Variants in PPARGC1A observed in about 807,000 individuals in gnomAD.
PPARGC1A encodes the protein peroxisome proliferator-activated receptor gamma coactivator 1-alpha.
In PPARGC1A, 25 loss-of-function variants were observed where a neutral mutation model predicts 88.7. The observed-to-expected ratio is 0.28, with a 90% CI of 0.21 to 0.39. The LOEUF (loss-of-function observed/expected upper bound fraction) is 0.39. Ranked by LOEUF, PPARGC1A falls within the 10% of genes least tolerant of loss-of-function variation. The pLI, the probability that PPARGC1A is intolerant of heterozygous loss-of-function variation, is 1.00. For missense variants in PPARGC1A, 880 were observed against 968.7 expected, an observed-to-expected ratio of 0.91 and a Z score of 1.22; for synonymous variants, 363 against 355.6, an observed-to-expected ratio of 1.02 and a Z score of -0.24.
At chr4:24,183,473 G>A in the PPARGC1A span, among the ~76,000 whole-genome samples, 1 of 152,164 alleles carries the variant, frequency 6.6e-6, no homozygotes, top group Non-Finnish European at 1.5e-5. Flanking sequence ...GTTCAAAGAT[G>A]GGCCAGAAGG....
At chr4:23,815,125 G>GA (rs5856793) in intron 7 of PPARGC1A, among the ~76,000 whole-genome samples, 1,225 of 121,294 alleles carry the variant, frequency 0.01, 14 homozygotes, top group African/African-American at 0.029. Context: ...CAACTTAGAA[G>GA]AAAAAAAAAA....
chr4:23,921,154 C>A, the PPARGC1A span, among the ~76,000 whole-genome samples: 1 of 152,142 alleles, frequency 6.6e-6, no homozygotes, highest in African/African-American at 2.4e-5. Context: ...CCCCGTTCTT[C>A]TGAGGAATGG....
At chr4:24,085,965 A>G in the PPARGC1A span, among the ~76,000 whole-genome samples, 1 of 152,128 alleles carries the variant, frequency 6.6e-6, no homozygotes, top group Non-Finnish European at 1.5e-5. Flanking sequence ...ATGATTCTGT[A>G]TCAGAAAAAT....
At chr4:24,271,075 G>A in the PPARGC1A span, among the ~76,000 whole-genome samples, 5 of 152,216 alleles carry the variant, frequency 3.3e-5, no homozygotes, top group East Asian at 9.6e-4. Context: ...TGGTAATTAT[G>A]GTAGTAAACA....
chr4:23,934,428 TC>T, the PPARGC1A span, among the ~76,000 whole-genome samples: 25 of 152,236 alleles, frequency 1.6e-4, 1 homozygote, highest in Admixed American at 1.6e-3. Context: ...TCCAACCTTT[TC>T]CCGCAACCAC....
the PPARGC1A span, among the ~76,000 whole-genome samples, chr4:24,173,340 A>C: frequency 0.12 from 166 of 1,422 alleles, no homozygotes; most frequent in Non-Finnish European, 0.42. Flanking sequence ...TTCCCCACCA[A>C]AAAAAAAAAA....
At chr4:24,039,934 T>G in the PPARGC1A span, among the ~76,000 whole-genome samples, 2 of 152,146 alleles carry the variant, frequency 1.3e-5, no homozygotes, top group African/African-American at 2.4e-5. Flanking sequence ...AGCTTTCATT[T>G]AAATGCTATT....
the PPARGC1A span, among the ~76,000 whole-genome samples, chr4:24,148,693 G>A: frequency 6.6e-6 from 1 of 152,196 alleles, no homozygotes; most frequent in Non-Finnish European, 1.5e-5. Context: ...CAGAACTGGT[G>A]CCTACGTGTC....
the PPARGC1A span, among the ~76,000 whole-genome samples, chr4:24,136,050 T>C: frequency 6.6e-6 from 1 of 152,170 alleles, no homozygotes; most frequent in Non-Finnish European, 1.5e-5. Flanking sequence ...CACGGTTCCC[T>C]TGGGGAGGTC....
chr4:24,393,819 C>T, the PPARGC1A span, among the ~76,000 whole-genome samples: 2 of 152,076 alleles, frequency 1.3e-5, no homozygotes, highest in East Asian at 3.9e-4. Flanking sequence ...TAATTTATGG[C>T]ATAAAAAAGA....
At chr4:23,903,560 CTA>C (rs1449731532), upstream of PPARGC1A, among the ~76,000 whole-genome samples, 1 of 152,028 alleles carries the variant, frequency 6.6e-6, no homozygotes, top group Non-Finnish European at 1.5e-5. Flanking sequence ...GAGTTCTTGA[CTA>C]TGAGTTCCTG....
chr4:23,990,346 A>G, the PPARGC1A span, among the ~76,000 whole-genome samples: 1 of 151,940 alleles, frequency 6.6e-6, no homozygotes, highest in East Asian at 1.9e-4. Flanking sequence ...TATACAGTAT[A>G]TTATGTGATA....
the PPARGC1A span, among the ~76,000 whole-genome samples, chr4:24,339,325 CTT>C: frequency 6.6e-6 from 1 of 151,172 alleles, no homozygotes; most frequent in Non-Finnish European, 1.5e-5. Flanking sequence ...GTTCAGTACT[CTT>C]TGCATGATGT....
At chr4:24,254,681 C>A in the PPARGC1A span, among the ~76,000 whole-genome samples, 22 of 152,198 alleles carry the variant, frequency 1.4e-4, no homozygotes, top group African/African-American at 5.1e-4. Context: ...AAAGAAGGAT[C>A]CTGGCCTCGG....
At chr4:23,958,017 A>G in the PPARGC1A span, among the ~76,000 whole-genome samples, 1 of 152,042 alleles carries the variant, frequency 6.6e-6, no homozygotes, top group Non-Finnish European at 1.5e-5. Flanking sequence ...CTGTGTGTGC[A>G]TTTAAATTCA....
At chr4:24,004,775 A>G in the PPARGC1A span, among the ~76,000 whole-genome samples, 1 of 152,224 alleles carries the variant, frequency 6.6e-6, no homozygotes, top group Admixed American at 6.5e-5. Context: ...TACTAGAAGA[A>G]TGCCAGGCTT....
chr4:24,454,750 A>T, the PPARGC1A span, among the ~76,000 whole-genome samples: 1 of 151,866 alleles, frequency 6.6e-6, no homozygotes, highest in Non-Finnish European at 1.5e-5. Context: ...AAAAAAAAAA[A>T]TCTGTATTTG....
chr4:23,859,275 T>G (rs1441206879), intron 2 of PPARGC1A, among the ~76,000 whole-genome samples: 1 of 152,162 alleles, frequency 6.6e-6, no homozygotes, highest in Non-Finnish European at 1.5e-5. Flanking sequence ...TTAAAGATGA[T>G]GCCAACCCAT....
chr4:24,046,276 C>G, the PPARGC1A span, among the ~76,000 whole-genome samples: 1 of 152,150 alleles, frequency 6.6e-6, no homozygotes, highest in Non-Finnish European at 1.5e-5. Context: ...CAAGTTTCTT[C>G]TCTTCCTAGG....
Sources: gnomAD v4.1 joint callset for allele counts (sites outside exome capture counted in the v4.1 genomes callset) on GRCh38, gnomAD v4.1.1 for gene constraint, MANE v1.5 for transcripts, NCBI Gene and HGNC (gene_info 2026-07-23, HGNC 2026-07-21) for gene names.